Variants in PLG observed in about 807,000 individuals in gnomAD.
The protein encoded by PLG is plasminogen.
PLG carries 41 observed loss-of-function variants against 104.4 expected under a neutral mutation model. The observed-to-expected ratio is 0.39, with a 90% CI of 0.31 to 0.51. The LOEUF (loss-of-function observed/expected upper bound fraction) is 0.51. Among genes scored for constraint, PLG ranks in the 20% least tolerant of loss-of-function variants. The pLI, the probability that PLG is intolerant of heterozygous loss-of-function variation, is 0.76. For missense variants in PLG, 891 were observed against 1,003.6 expected, an observed-to-expected ratio of 0.89 and a Z score of 1.52; for synonymous variants, 337 against 357.1, an observed-to-expected ratio of 0.94 and a Z score of 0.63.
In PLG at chr6:160,714,646, TTTTATTG is replaced by T; in HGVS notation, c.548-147_548-141del. 65 of 412,926 alleles carry T rather than the reference TTTTATTG, an allele frequency of 1.6e-4. 6 individuals carry two copies. The highest frequency in any genetic ancestry group is 6.5e-4 in the Middle Eastern group (1 of 1,544). The allele number at this position is 412,926 out of a possible 1,614,324, so 25.6% of individuals were successfully genotyped here. A position where few individuals can be genotyped will look rare whatever the true frequency, so the allele number is the denominator to read the frequency against. On this transcript the variant is annotated intron_variant, in intron 5 of 18. Coordinates refer to ENST00000308192, the MANE Select transcript of PLG (RefSeq NM_000301.5). ...GAAAATCCTGAGTCCTTATTGCCAA[TTTTATTG>T]CCAAGTGCCTGTTGTGAATTACATC...
At chr6:160,733,923 C>A (rs1317026) in intron 12 of PLG, 72 bp from the exon 13 acceptor site, 6 of 769,878 alleles carry the variant, frequency 7.8e-6, no homozygotes, top group Admixed American at 1.8e-5. Flanking sequence ...ACATGAAATG[C>A]GTGAGCCTTG....
rs1248712936 is a variant in PLG, at chr6:160,725,514, A to T, written c.1256+2947A>T. On this transcript the variant is annotated intron_variant, in intron 10 of 18. Coordinates refer to ENST00000308192, the MANE Select transcript of PLG (RefSeq NM_000301.5). The surrounding 1 kb of genome is among the most constrained non-coding windows in gnomAD (Gnocchi z 6.3). Reference sequence around the variant, plus strand: ...TAAGAATGTTCCATTTATCCAAAAGAAGGAAAGAAAGGAAGAAAAAAGAAT... The same window carrying T: ...TAAGAATGTTCCATTTATCCAAAAGTAGGAAAGAAAGGAAGAAAAAAGAAT... Among the ~76,000 whole-genome samples the T allele has an allele frequency of 6.6e-6, 1 of 152,124 alleles. No individual in the cohort carries two copies. The highest frequency in any genetic ancestry group is 1.5e-5 in the Non-Finnish European group (1 of 68,000).
At chr6:160,702,795 C>T (rs531954535) in intron 1 of PLG, among the ~76,000 whole-genome samples, 6 of 152,292 alleles carry the variant, frequency 3.9e-5, no homozygotes, top group East Asian at 3.9e-4. Context: ...TTCATGGTGG[C>T]GGCAGGGTCG....
chr6:160,713,854 T>C (rs1777687339), intron 5 of PLG, among the ~76,000 whole-genome samples: 1 of 152,116 alleles, frequency 6.6e-6, no homozygotes. Context: ...ATAGTGCACC[T>C]CAAAGGTCAA....
intron 3 of PLG, among the ~76,000 whole-genome samples, chr6:160,708,889 C>T (rs1182132401): frequency 6.6e-6 from 1 of 151,614 alleles, no homozygotes; most frequent in Non-Finnish European, 1.5e-5. Context: ...TAAATCTAAA[C>T]TTTATCTGGT....
At chr6:160,714,112 C>T (rs1310276660) in intron 5 of PLG, among the ~76,000 whole-genome samples, 2 of 152,122 alleles carry the variant, frequency 1.3e-5, no homozygotes, top group Non-Finnish European at 1.5e-5. Context: ...TAAGTCTGCC[C>T]GTTTTCCTTA....
At chr6:160,704,299 G>C (rs1777478426) in intron 1 of PLG, among the ~76,000 whole-genome samples, 1 of 152,208 alleles carries the variant, frequency 6.6e-6, no homozygotes, top group Admixed American at 6.5e-5. Context: ...ATTTCCTAGG[G>C]ACATGAGCTG....
At chr6:160,714,756 T>C (rs1162629664) in intron 5 of PLG, 38 bp from the exon 6 acceptor site, 6 of 1,611,182 alleles carry the variant, frequency 3.7e-6, no homozygotes, top group Non-Finnish European at 4.2e-6. Context: ...ATTTCAGTTT[T>C]CTTCTTCCTC....
At chr6:160,704,643 T>A (rs1315241577) in intron 1 of PLG, among the ~76,000 whole-genome samples, 1 of 152,240 alleles carries the variant, frequency 6.6e-6, no homozygotes, top group Non-Finnish European at 1.5e-5. Flanking sequence ...TCTTTTGATA[T>A]ATCTCTCAAG....
Position 160,736,891 on chromosome 6 carries a change from C to T in PLG, c.1686C>T (p.Ala562=). The change falls in exon 14 of 19, where the codon GCC becomes GCT. Residue 562 remains alanine (A), a synonymous_variant. Transcript: ENST00000308192. This position sits in a 1 kb window ranked among gnomAD's most constrained non-coding sequence, Gnocchi z 5.2. ...CTTTCCCACCTTGTGCCACAGCGGCCCCTTCATTTGATTGTGGGAAGCCTC... is the reference window on the plus strand; with the variant it reads ...CTTTCCCACCTTGTGCCACAGCGGCTCCTTCATTTGATTGTGGGAAGCCTC... ...YDYCDVPQCA[A]PSFDCGKPQV... is the part of the protein sequence containing the mutation. 3 of 1,613,870 alleles carry T rather than the reference C, an allele frequency of 1.9e-6. No individual in the cohort carries two copies. Among genetic ancestry groups the T allele is most frequent in the Middle Eastern group, 1.6e-4 (1 of 6,062 alleles).
At chr6:160,707,420 T>C (rs2115151615) in intron 2 of PLG, among the ~76,000 whole-genome samples, 1 of 152,004 alleles carries the variant, frequency 6.6e-6, no homozygotes, top group East Asian at 1.9e-4. Flanking sequence ...AAACAAAAAT[T>C]AAGAAGATGA....
chr6:160,753,067 C>T lies in PLG; in HGVS notation c.*6C>T, dbSNP rs370809839. 15 of 1,550,416 alleles carry T rather than the reference C, an allele frequency of 9.7e-6. No homozygotes were observed. Among genetic ancestry groups the T allele is most frequent in the Admixed American group, 3.4e-5 (2 of 58,138 alleles). On this transcript the variant is annotated 3_prime_UTR_variant, in exon 19 of 19. Coordinates refer to ENST00000308192, the MANE Select transcript of PLG (RefSeq NM_000301.5). The surrounding 1 kb of genome is among the most constrained non-coding windows in gnomAD (Gnocchi z 5.4). The stretch of plus-strand genomic sequence containing the variant: ...GAGTGATGAGAAATAATTAATTGGA[C>T]GGGAGACAGAGTGACGCACTGACTC...
chr6:160,705,565 C>T (rs1449326444), intron 1 of PLG: 2 of 152,198 alleles, frequency 1.3e-5, no homozygotes, highest in Non-Finnish European at 2.9e-5. Flanking sequence ...TGTTGGGGAG[C>T]TTCTTACCCT....
intron 4 of PLG, chr6:160,711,584 T>C (rs780495516): frequency 2.1e-4 from 339 of 1,609,990 alleles, no homozygotes; most frequent in Non-Finnish European, 2.7e-4. Flanking sequence ...AATAAGCAGA[T>C]AGAAAGAATC....
At position 160,752,239 on chromosome 6, in the gene PLG, C is replaced by G. The variant is rs756267226; in HGVS notation, c.2250C>G (p.Ala750=). The change falls in exon 18 of 19, where the codon GCC becomes GCG. Residue 750 remains alanine (A), a synonymous_variant. Transcript: ENST00000308192. The surrounding 1 kb of genome is among the most constrained non-coding windows in gnomAD (Gnocchi z 4.7). ...CCGAACTCTGTGCTGGGCATTTGGC[C>G]GGAGGCACTGACAGTTGCCAGGTAA... is the stretch of plus-strand genomic sequence containing the variant. ...QSTELCAGHL[A]GGTDSCQGDS... 6.2e-7 allele frequency: 1 copy of G among 1,613,876 alleles called. No individual in the cohort carries two copies. Among genetic ancestry groups the G allele is most frequent in the Non-Finnish European group, 8.5e-7 (1 of 1,179,900 alleles).
In PLG at chr6:160,718,354, A is replaced by G. The variant is rs2115163630; in HGVS notation, c.848A>G (p.Tyr283Cys). The G allele has an allele frequency of 6.2e-7, 1 of 1,613,940 alleles. No individual in the cohort carries two copies. Among genetic ancestry groups the G allele is most frequent in the East Asian group, 2.2e-5 (1 of 44,888 alleles). Reference sequence around the variant, plus strand: ...TGTCTGAAGGGAACAGGTGAAAACTATCGCGGGAATGTGGCTGTTACCGTG... The same window carrying G: ...TGTCTGAAGGGAACAGGTGAAAACTGTCGCGGGAATGTGGCTGTTACCGTG... ...YQCLKGTGENYRGNVAVTVSG... is the reference protein window; with the variant it reads ...YQCLKGTGENCRGNVAVTVSG... Residue 283 changes from tyrosine to cysteine, a missense_variant, in exon 8 of 19, where the codon TAT (tyrosine) becomes TGT (cysteine). Physicochemically the swap from Tyr to Cys is radical, Grantham distance 194 (BLOSUM62 -2). Transcript: ENST00000308192.
rs1778085196 is a variant in PLG, at chr6:160,736,544, A to C, written c.1682-343A>C. On this transcript the variant is annotated intron_variant, in intron 13 of 18. Transcript: ENST00000308192. The surrounding 1 kb of genome is among the most constrained non-coding windows in gnomAD (Gnocchi z 5.2). ...TATGGGAAGGATGGCATCATGTTCTAAACATACTGCATGGAGTCAGAATAA... is the reference window on the plus strand; with the variant it reads ...TATGGGAAGGATGGCATCATGTTCTCAACATACTGCATGGAGTCAGAATAA... 6.6e-6 allele frequency among the ~76,000 whole-genome samples: 1 copy of C among 152,208 alleles called. No homozygotes were observed. The highest frequency in any genetic ancestry group is 6.5e-5 in the Admixed American group (1 of 15,288).
chr6:160,745,373 T>A (rs1334025657), intron 17 of PLG, among the ~76,000 whole-genome samples: 6 of 144,068 alleles, frequency 4.2e-5, no homozygotes, highest in Admixed American at 1.4e-4. Context: ...GATCTTCTTT[T>A]TGAATTGAAC....
At position 160,723,395 on chromosome 6, in the gene PLG, G is replaced by A. The variant is rs1562376390; in HGVS notation, c.1256+828G>A. 6.6e-6 allele frequency among the ~76,000 whole-genome samples: 1 copy of A among 152,104 alleles called. No individual in the cohort carries two copies. The highest frequency in any genetic ancestry group is 1.5e-5 in the Non-Finnish European group (1 of 68,030). On this transcript the variant is annotated intron_variant, in intron 10 of 18. Transcript: ENST00000308192. The surrounding 1 kb of genome is among the most constrained non-coding windows in gnomAD (Gnocchi z 4.7). ...TGGAAAAAACTATTTTTACATATTG[G>A]AGAACAGATAAACTGAGATAATTTA...
Sources: allele counts gnomAD v4.1 joint callset (sites outside exome capture counted in the v4.1 genomes callset), GRCh38; gene constraint gnomAD v4.1.1; non-coding constraint Gnocchi (gnomAD v3.1); transcripts MANE v1.5; gene names NCBI Gene and HGNC (gene_info 2026-07-23, HGNC 2026-07-21).